The following TXNL4A variants were observed in gnomAD, a reference collection of about 807,000 sequenced individuals.
TXNL4A encodes thioredoxin-like protein 4A.
A neutral mutation model predicts 14.6 loss-of-function variants in TXNL4A; 17 were observed. That is an observed-to-expected ratio of 1.16 (90% confidence interval 0.80 to 1.74). TXNL4A has a LOEUF of 1.74. Ranked by LOEUF, TXNL4A falls within the 40% of genes most tolerant of loss-of-function variation. TXNL4A has a pLI of 0.00. For synonymous variants in TXNL4A, 83 were observed against 70.6 expected, an observed-to-expected ratio of 1.18 and a Z score of -0.88; for missense variants, 74 against 195.2, an observed-to-expected ratio of 0.38 and a Z score of 3.70.
chr18:79,971,835 G>A lies in TXNL4A; in HGVS notation c.*1850C>T, dbSNP rs1385860581. 2.0e-5 allele frequency: 3 copies of A among 152,136 alleles called. No homozygotes were observed. The highest frequency in any genetic ancestry group is 4.4e-5 in the Non-Finnish European group (3 of 68,030). 9.4% of individuals were successfully genotyped at this position (152,136 alleles called of 1,614,324 possible). On this transcript the variant is annotated 3_prime_UTR_variant, in exon 3 of 3. Coordinates refer to ENST00000269601, the MANE Select transcript of TXNL4A (RefSeq NM_006701.5). The stretch of plus-strand genomic sequence containing the variant: ...GCAGTGATGCTGAGTGTCTCTTCGT[G>A]TGCTTCCTGGCCGTCTGTTTCACCT...
intron 1 of TXNL4A, among the ~76,000 whole-genome samples, chr18:80,001,202 G>C (rs1306808543): frequency 2.0e-5 from 3 of 152,234 alleles, no homozygotes; most frequent in Admixed American, 2.0e-4. Flanking sequence ...AGCCTTGGCA[G>C]CTTCCACGTG....
At chr18:80,029,771 A>C (rs1323608243) in intron 1 of TXNL4A, among the ~76,000 whole-genome samples, 1 of 152,220 alleles carries the variant, frequency 6.6e-6, no homozygotes, top group African/African-American at 2.4e-5. Flanking sequence ...TGTGTCCTCA[A>C]GAAATAATAA....
In TXNL4A at chr18:79,982,622, C is replaced by T. The variant is rs998452473; in HGVS notation, c.154-4921G>A. Among the ~76,000 whole-genome samples, 1 of 152,086 alleles carries T rather than the reference C, an allele frequency of 6.6e-6. No homozygotes were observed. Among genetic ancestry groups the T allele is most frequent in the East Asian group, 1.9e-4 (1 of 5,192 alleles). On this transcript the variant is annotated intron_variant, in intron 1 of 2. Transcript: ENST00000269601. The surrounding 1 kb of genome is among the most constrained non-coding windows in gnomAD (Gnocchi z 4.0). Reference sequence around the variant, plus strand: ...TGTGCCGAGTGCCCCAGAGAGGTTACCAGAAAGGACGATATGGGAACGGGG... The same window carrying T: ...TGTGCCGAGTGCCCCAGAGAGGTTATCAGAAAGGACGATATGGGAACGGGG...
intron 1 of TXNL4A, 131 bp from the exon 2 acceptor site, chr18:79,977,832 C>A (rs1394256381): frequency 1.1e-5 from 7 of 640,754 alleles, no homozygotes; most frequent in South Asian, 1.9e-5. Context: ...TTTTTTGAGA[C>A]AGGGTCTCAC....
chr18:80,026,224 G>T (rs56330441), intron 1 of TXNL4A, among the ~76,000 whole-genome samples: 47,818 of 151,868 alleles, frequency 0.31, 8,118 homozygotes, highest in South Asian at 0.48. Context: ...CGATAAAAAA[G>T]GAAAAACAGA....
At chr18:80,028,014 C>G (rs1453204274) in intron 1 of TXNL4A, among the ~76,000 whole-genome samples, 7 of 152,198 alleles carry the variant, frequency 4.6e-5, no homozygotes, top group Non-Finnish European at 8.8e-5. Context: ...ATCTTGTGGA[C>G]TCTTGAGGGA....
At chr18:80,023,514 C>G (rs1217743979) in intron 1 of TXNL4A, among the ~76,000 whole-genome samples, 1 of 152,086 alleles carries the variant, frequency 6.6e-6, no homozygotes, top group Non-Finnish European at 1.5e-5. Flanking sequence ...GCATGCCCCC[C>G]ACCCCCATGC....
At position 79,988,532 on chromosome 18, in the gene TXNL4A, C is replaced by G; in HGVS notation, c.-140G>C. The G allele has an allele frequency of 2.2e-6, 2 of 921,596 alleles. No homozygotes were observed. Among genetic ancestry groups the G allele is most frequent in the Non-Finnish European group, 2.8e-6 (2 of 702,708 alleles). 57.1% of individuals were successfully genotyped at this position (921,596 alleles called of 1,614,324 possible). A position where few individuals can be genotyped will look rare whatever the true frequency, so the allele number is the denominator to read the frequency against. On this transcript the variant is annotated 5_prime_UTR_variant, in exon 1 of 3. Transcript: ENST00000269601. ...ATCCGGTCCCGCCCGCACACGCAAA[C>G]TCCGCTGGGACTGCCACCCGGCAGA...
chr18:80,023,058 C>A (rs1017902569), intron 1 of TXNL4A, among the ~76,000 whole-genome samples: 3 of 152,160 alleles, frequency 2.0e-5, no homozygotes, highest in African/African-American at 7.2e-5. Context: ...CTGCTATGGC[C>A]CCAGTGAAAA....
At chr18:80,010,798 C>A (rs1191731530) in intron 1 of TXNL4A, among the ~76,000 whole-genome samples, 1 of 152,202 alleles carries the variant, frequency 6.6e-6, no homozygotes, top group East Asian at 1.9e-4. Context: ...GATTTCCCCC[C>A]ACCCCAGGCT....
chr18:80,033,523 C>T (rs1339332458), intron 1 of TXNL4A, among the ~76,000 whole-genome samples: 1 of 152,248 alleles, frequency 6.6e-6, no homozygotes, highest in African/African-American at 2.4e-5. Flanking sequence ...GAGAAGGCGG[C>T]GCAGCAGCAA....
upstream of TXNL4A, among the ~76,000 whole-genome samples, chr18:79,991,000 C>G (rs945071477): frequency 6.7e-6 from 1 of 148,652 alleles, no homozygotes; most frequent in Non-Finnish European, 1.5e-5. Flanking sequence ...CCCAGCTACT[C>G]GGGAGGCTGA....
intron 1 of TXNL4A, 122 bp downstream of exon 1, chr18:79,988,118 A>C (rs1011075630): frequency 8.2e-7 from 1 of 1,214,436 alleles, no homozygotes; most frequent in Non-Finnish European, 1.1e-6. Flanking sequence ...GAATCGCCTG[A>C]ACGACGGAGC....
intron 1 of TXNL4A, chr18:79,978,057 G>GCGA: frequency 5.5e-6 from 1 of 183,302 alleles, no homozygotes; most frequent in Non-Finnish European, 1.1e-5. Flanking sequence ...TGGGACCTTG[G>GCGA]CCACCGGCTC....
At chr18:79,992,921 A>C (rs1490475494), upstream of TXNL4A, among the ~76,000 whole-genome samples, 3 of 150,838 alleles carry the variant, frequency 2.0e-5, no homozygotes, top group Non-Finnish European at 4.4e-5. Context: ...ACTGAACCAA[A>C]GGCATGAATG....
chr18:79,992,876 T>TAAAAAAAAAAAAAAA (rs59567705), upstream of TXNL4A, among the ~76,000 whole-genome samples: 2 of 78,600 alleles, frequency 2.5e-5, 1 homozygote, highest in Non-Finnish European at 4.7e-5. Flanking sequence ...TCATCTTATG[T>TAAAAAAAAAAAAAAA]AAAAAAAAAA....
chr18:80,010,464 C>T (rs2051762580), intron 1 of TXNL4A, among the ~76,000 whole-genome samples: 1 of 152,016 alleles, frequency 6.6e-6, no homozygotes, highest in South Asian at 2.1e-4. Flanking sequence ...GAAGTGACAG[C>T]TTGGCCTGGG....
intron 1 of TXNL4A, among the ~76,000 whole-genome samples, chr18:80,010,984 T>C (rs1296212524): frequency 6.6e-6 from 1 of 151,938 alleles, no homozygotes; most frequent in Non-Finnish European, 1.5e-5. Context: ...GGCTACTTCC[T>C]GCTGGAAAGG....
At chr18:80,006,078 A>C (rs2051728117) in intron 1 of TXNL4A, among the ~76,000 whole-genome samples, 1 of 151,864 alleles carries the variant, frequency 6.6e-6, no homozygotes, top group Non-Finnish European at 1.5e-5. Context: ...TGGGCAAGAT[A>C]GACCTTATCT....
Sources: gnomAD v4.1 joint callset for allele counts (sites outside exome capture counted in the v4.1 genomes callset) on GRCh38, gnomAD v4.1.1 for gene constraint, Gnocchi (gnomAD v3.1) non-coding constraint, MANE v1.5 for transcripts, NCBI Gene and HGNC (gene_info 2026-07-23, HGNC 2026-07-21) for gene names.